Variants in CNIH3 observed in about 807,000 individuals in gnomAD.
CNIH3 encodes cornichon family AMPA receptor auxiliary protein 3.
In CNIH3, 14 loss-of-function variants were observed where a neutral mutation model predicts 24.1. The observed-to-expected ratio is 0.58, with a 90% confidence interval of 0.38 to 0.91. The LOEUF (loss-of-function observed/expected upper bound fraction) is 0.91. Ranked by LOEUF, CNIH3 falls within the 40% of genes least tolerant of loss-of-function variation. The pLI, the probability that CNIH3 is intolerant of heterozygous loss-of-function variation, is 0.00. For synonymous variants in CNIH3, 68 were observed against 73.8 expected (o/e 0.92, Z 0.40); for missense variants, 178 against 196.8 (o/e 0.90, Z 0.57).
intron 1 of CNIH3, among the ~76,000 whole-genome samples, chr1:224,652,567 G>A (rs1684908113): frequency 1.3e-5 from 2 of 152,120 alleles, no homozygotes; most frequent in Non-Finnish European, 2.9e-5. Flanking sequence ...AGAGGGGTAG[G>A]CAAGAGCTAA....
At chr1:224,577,283 G>A (rs1372511777) in intron 4 of CNIH3, among the ~76,000 whole-genome samples, 1 of 152,086 alleles carries the variant, frequency 6.6e-6, no homozygotes, top group Non-Finnish European at 1.5e-5. Context: ...TCAGAGAATG[G>A]GAGAAAATAT....
chr1:224,708,651 T>C (rs1271213771), intron 3 of CNIH3, among the ~76,000 whole-genome samples: 1 of 152,176 alleles, frequency 6.6e-6, no homozygotes. Context: ...TGTTCCCCTT[T>C]GACCTCTCTG....
chr1:224,472,872 A>C (rs1309850395), intron 1 of CNIH3, among the ~76,000 whole-genome samples: 8 of 152,192 alleles, frequency 5.3e-5, no homozygotes. Flanking sequence ...CTGGACAACT[A>C]TATTTATAAT....
chr1:224,451,472 C>T (rs554011862), intron 1 of CNIH3, among the ~76,000 whole-genome samples: 8 of 152,216 alleles, frequency 5.3e-5, no homozygotes, highest in South Asian at 4.1e-4. Context: ...TTATGTTAAC[C>T]GAATAGCTTG....
At chr1:224,442,065 C>T (rs554637971) in intron 1 of CNIH3, among the ~76,000 whole-genome samples, 2 of 139,274 alleles carry the variant, frequency 1.4e-5, no homozygotes, top group East Asian at 4.1e-4. Context: ...ATTGCTCAGG[C>T]AGGAGTGCAG....
At chr1:224,701,184 G>A (rs986469350) in intron 3 of CNIH3, among the ~76,000 whole-genome samples, 25 of 151,932 alleles carry the variant, frequency 1.6e-4, no homozygotes, top group African/African-American at 3.9e-4. Flanking sequence ...AGAGTGGAAG[G>A]GGGGCTCGGG....
Position 224,704,748 on chromosome 1 carries a change from C to T in CNIH3, c.198+19905C>T, listed in dbSNP as rs959278835. On this transcript the variant is annotated intron_variant, in intron 3 of 5. Coordinates refer to ENST00000272133, the MANE Select transcript of CNIH3 (RefSeq NM_152495.2). This position sits in a 1 kb window ranked among gnomAD's most constrained non-coding sequence, Gnocchi z 4.2. ...TTGTCACCTAGTCATAGTCACATTT[C>T]CCCTAGTTTCCCTATAGTATTCTTT... Among the ~76,000 whole-genome samples the T allele has an allele frequency of 6.6e-6, 1 of 152,140 alleles. No homozygotes were observed. Among genetic ancestry groups the T allele is most frequent in the South Asian group, 2.1e-4 (1 of 4,826 alleles).
At chr1:224,560,259 T>C (rs778845275) in intron 3 of CNIH3, among the ~76,000 whole-genome samples, 2 of 152,208 alleles carry the variant, frequency 1.3e-5, no homozygotes, top group Admixed American at 1.3e-4. Flanking sequence ...GTGGAATTTC[T>C]GGGTCACAGG....
intron 1 of CNIH3, chr1:224,661,281 TTTAGTAA>T (rs1447384856): frequency 6.6e-6 from 2 of 302,026 alleles, no homozygotes; most frequent in Non-Finnish European, 1.4e-5. Context: ...CAATCCTTTT[TTTAGTAA>T]TTTTTTTGCC....
intron 4 of CNIH3, among the ~76,000 whole-genome samples, chr1:224,581,576 G>A (rs1681275505): frequency 1.3e-5 from 2 of 152,090 alleles, no homozygotes; most frequent in South Asian, 2.1e-4. Context: ...AAAGCGTGTT[G>A]GATACCTCCT....
intron 1 of CNIH3, among the ~76,000 whole-genome samples, chr1:224,674,300 T>C (rs1195584744): frequency 9.1e-6 from 1 of 109,750 alleles, no homozygotes; most frequent in East Asian, 3.1e-4. Context: ...TTTTTTTTTT[T>C]TTTTTTTGCC....
At chr1:224,737,746 A>T (rs143822936) in intron 5 of CNIH3, among the ~76,000 whole-genome samples, 323 of 152,314 alleles carry the variant, frequency 2.1e-3, no homozygotes, top group African/African-American at 7.3e-3. Context: ...AATGTGTCTC[A>T]GGTCCCTGCT....
At chr1:224,636,915 ATCTG>A (rs1451863087) in intron 1 of CNIH3, among the ~76,000 whole-genome samples, 3 of 150,056 alleles carry the variant, frequency 2.0e-5, no homozygotes, top group African/African-American at 7.4e-5. Context: ...CTAATCTATT[ATCTG>A]TCTATCATCT....
intron 1 of CNIH3, among the ~76,000 whole-genome samples, chr1:224,632,366 T>A (rs1651542272): frequency 6.6e-6 from 1 of 152,158 alleles, no homozygotes; most frequent in African/African-American, 2.4e-5. Flanking sequence ...GATACCTAGG[T>A]TATCCTGCTT....
chr1:224,498,130 C>T (rs1009055159), intron 1 of CNIH3, among the ~76,000 whole-genome samples: 3 of 152,152 alleles, frequency 2.0e-5, no homozygotes, highest in African/African-American at 7.2e-5. Context: ...TGATTCAGGG[C>T]CCATCTGGCC....
chr1:224,661,303 A>C (rs541553368), intron 1 of CNIH3: 4 of 294,384 alleles, frequency 1.4e-5, no homozygotes, highest in Non-Finnish European at 2.8e-5. Flanking sequence ...TTTGCCATTA[A>C]CCATTTCAGT....
At chr1:224,734,900 T>C (rs1263839528) in intron 5 of CNIH3, among the ~76,000 whole-genome samples, 194 bp downstream of exon 5, 1 of 152,122 alleles carries the variant, frequency 6.6e-6, no homozygotes, top group Non-Finnish European at 1.5e-5. Flanking sequence ...GGGCAGGAGA[T>C]CCTGCAGGAG....
upstream of CNIH3, among the ~76,000 whole-genome samples, chr1:224,611,861 C>A (rs1222071755): frequency 6.6e-6 from 1 of 152,174 alleles, no homozygotes; most frequent in Non-Finnish European, 1.5e-5. Flanking sequence ...AGACTAGAAA[C>A]CTTGTGGATC....
chr1:224,517,875 A>C (rs1202946317), intron 1 of CNIH3, among the ~76,000 whole-genome samples: 1 of 152,142 alleles, frequency 6.6e-6, no homozygotes, highest in Non-Finnish European at 1.5e-5. Context: ...ATTACTGCCA[A>C]CCCAGTGGAG....
Sources: gnomAD v4.1 joint callset for allele counts (sites outside exome capture counted in the v4.1 genomes callset) on GRCh38, gnomAD v4.1.1 for gene constraint, Gnocchi (gnomAD v3.1) non-coding constraint, MANE v1.5 for transcripts, NCBI Gene and HGNC (gene_info 2026-07-23, HGNC 2026-07-21) for gene names.